Variants in MACF1 observed in about 807,000 individuals in gnomAD.
MACF1 encodes the protein microtubule-actin cross-linking factor 1.
A neutral mutation model predicts 854.8 loss-of-function variants in MACF1; 193 were observed. The observed-to-expected ratio is 0.23, with a 90% CI of 0.20 to 0.25. The LOEUF (loss-of-function observed/expected upper bound fraction) is 0.25, where lower values mean the gene tolerates loss of function less well. Ranked by LOEUF, MACF1 falls within the 10% of genes least tolerant of loss-of-function variation. The probability of loss-of-function intolerance (pLI) is 1.00; values close to 1 mark genes in which losing one functional copy is unlikely to be tolerated. For synonymous variants in MACF1, 3,185 were observed against 3,226.7 expected, an observed-to-expected ratio of 0.99 and a Z score of 0.44; for missense variants, 7,722 against 8,929.1, an observed-to-expected ratio of 0.86 and a Z score of 5.45.
chr1:39,474,704 T>A (rs1451316310), intron 97 of MACF1, among the ~76,000 whole-genome samples: 1 of 152,022 alleles, frequency 6.6e-6, no homozygotes, highest in Non-Finnish European at 1.5e-5. Flanking sequence ...AAAAAATAAC[T>A]AAATAAAAAT....
chr1:39,306,352 T>G (rs1646175639), intron 23 of MACF1, among the ~76,000 whole-genome samples: 1 of 152,152 alleles, frequency 6.6e-6, no homozygotes. Flanking sequence ...GGTCTCGAAC[T>G]CCTGACCTCA....
At chr1:39,403,078 G>GTTGTTTTGTTTTGTT (rs57125297) in intron 58 of MACF1, among the ~76,000 whole-genome samples, 15 of 145,884 alleles carry the variant, frequency 1.0e-4, no homozygotes, top group African/African-American at 3.9e-4. Flanking sequence ...TTTTTGTTTG[G>GTTGTTTTGTTTTGTT]TTGTTTTGTT....
At chr1:39,184,651 A>G (rs912609423) in intron 2 of MACF1, among the ~76,000 whole-genome samples, 2 of 152,148 alleles carry the variant, frequency 1.3e-5, no homozygotes, top group African/African-American at 2.4e-5. Flanking sequence ...GTATCTTTTC[A>G]TATCGCAAAG....
At chr1:39,473,556 A>T (rs986609186) in intron 97 of MACF1, among the ~76,000 whole-genome samples, 2 of 152,188 alleles carry the variant, frequency 1.3e-5, no homozygotes, top group African/African-American at 4.8e-5. Context: ...ACACAGCGAG[A>T]GAGTGAGCCC....
At chr1:39,322,553 A>T in intron 31 of MACF1, 55 bp from the exon 32 acceptor site, 1 of 1,369,610 alleles carries the variant, frequency 7.3e-7, no homozygotes, top group Non-Finnish European at 1.0e-6. Context: ...TTATTACATG[A>T]TGTATGTGAA....
At chr1:39,345,433 G>A (rs1647022488) in intron 40 of MACF1, among the ~76,000 whole-genome samples, 1 of 151,856 alleles carries the variant, frequency 6.6e-6, no homozygotes, top group African/African-American at 2.4e-5. Flanking sequence ...AATGTGGTGA[G>A]ACACCATGTC....
chr1:39,292,797 A>G lies in MACF1; in HGVS notation c.1946A>G (p.Tyr649Cys), dbSNP rs755560898. The change falls in exon 17 of 101, where the codon TAT (tyrosine) becomes TGT (cysteine). Residue 649 changes from tyrosine (Y) to cysteine (C), a missense_variant. Around this residue, in one of 15 missense-constraint regions of MACF1, gnomAD observed 1,137 missense variants for 1,263.0 expected, o/e 0.90. Coordinates refer to ENST00000564288, the MANE Select transcript of MACF1 (RefSeq NM_001394062.1). ...ATGTCCCAGAATTTCCATACCAGCT[A>G]TGCTGAAACTCTTGGAAAGCTGGAG... Reference protein sequence around the residue: ...GKMSQNFHTSYAETLGKLETQ... With the variant: ...GKMSQNFHTSCAETLGKLETQ... 3 of 1,612,882 alleles carry G rather than the reference A, an allele frequency of 1.9e-6. No individual in the cohort carries two copies. The South Asian group carries it at 3.3e-5, about 18-fold the overall frequency.
intron 2 of MACF1, among the ~76,000 whole-genome samples, chr1:39,171,777 C>A (rs1463654799): frequency 6.6e-6 from 1 of 152,144 alleles, no homozygotes; most frequent in Non-Finnish European, 1.5e-5. Flanking sequence ...AGGCACCCGC[C>A]ACCACGCCCG....
intron 44 of MACF1, among the ~76,000 whole-genome samples, chr1:39,356,944 C>T (rs1256285365): frequency 6.6e-6 from 1 of 152,076 alleles, no homozygotes; most frequent in East Asian, 1.9e-4. Context: ...TCTTTGAAAA[C>T]CATAAAGTCC....
chr1:39,305,345 T>C (rs566784133), intron 23 of MACF1, among the ~76,000 whole-genome samples: 119 of 152,204 alleles, frequency 7.8e-4, no homozygotes, highest in Non-Finnish European at 1.5e-3. Flanking sequence ...GCAAAGTTTA[T>C]TATAATAAAA....
chr1:39,370,872 A>G (rs1326158527), intron 51 of MACF1, among the ~76,000 whole-genome samples: 1 of 152,216 alleles, frequency 6.6e-6, no homozygotes, highest in African/African-American at 2.4e-5. Flanking sequence ...AAACAAAAAA[A>G]AACTCCTAAT....
chr1:39,189,669 T>C (rs867846786), intron 2 of MACF1, among the ~76,000 whole-genome samples: 68 of 152,348 alleles, frequency 4.5e-4, no homozygotes, highest in African/African-American at 1.4e-3. Context: ...TCCCAGGTTA[T>C]ATTTCTTATC....
At chr1:39,394,588 A>C (rs1220872504) in intron 58 of MACF1, among the ~76,000 whole-genome samples, 1 of 152,062 alleles carries the variant, frequency 6.6e-6, no homozygotes, top group Non-Finnish European at 1.5e-5. Flanking sequence ...GCACCACTGC[A>C]CTCCAGCCTG....
intron 2 of MACF1, among the ~76,000 whole-genome samples, chr1:39,233,103 C>T (rs188254438): frequency 2.2e-4 from 34 of 152,114 alleles, no homozygotes; most frequent in African/African-American, 7.7e-4. Context: ...GGCACGATCT[C>T]GGCTCACTGC....
intron 2 of MACF1, among the ~76,000 whole-genome samples, chr1:39,163,339 TCAAAAAAA>T (rs760771253): frequency 9.3e-5 from 1 of 10,806 alleles, no homozygotes; most frequent in Admixed American, 1.7e-3. Context: ...CAAGACTGTC[TCAAAAAAA>T]AAAAAAAAAA....
intron 60 of MACF1, 127 bp from the exon 61 acceptor site, chr1:39,423,900 GA>G (rs1245772585): frequency 8.4e-6 from 6 of 713,926 alleles, no homozygotes; most frequent in Admixed American, 3.1e-5. Context: ...CCCCAAGGAT[GA>G]AAAAAACTTC....
intron 2 of MACF1, among the ~76,000 whole-genome samples, chr1:39,197,572 A>G (rs1644336190): frequency 6.6e-6 from 1 of 152,212 alleles, no homozygotes; most frequent in African/African-American, 2.4e-5. Context: ...AAACGAAAAT[A>G]TGGTGAAGGT....
rs770095787 is a variant in MACF1, at chr1:39,485,620, C to T, written c.22494C>T (p.Asp7498=). The T allele has an allele frequency of 7.4e-6, 12 of 1,614,030 alleles. No homozygotes were observed. The highest frequency in any genetic ancestry group is 3.3e-5 in the Admixed American group (2 of 59,990). The change falls in exon 101 of 101, where the codon GAC becomes GAT. Residue 7498 remains aspartate (D), a synonymous_variant. Transcript: ENST00000564288. The part of the protein sequence containing the change: ...GSRASSRRGS[D]ASDFDLLETQ... ...GAGCCAGCAGCCGGCGAGGAAGTGA[C>T]GCTTCTGACTTTGACCTCTTAGAGA...
At chr1:39,364,655 G>T (rs1177373656) in intron 49 of MACF1, among the ~76,000 whole-genome samples, 4 of 151,984 alleles carry the variant, frequency 2.6e-5, no homozygotes, top group African/African-American at 9.7e-5. Context: ...ACCGCGCCTG[G>T]CTAATTTTTT....
Sources: allele counts gnomAD v4.1 joint callset (sites outside exome capture counted in the v4.1 genomes callset), GRCh38; gene constraint gnomAD v4.1.1; regional missense constraint gnomAD v4.1.1; transcripts MANE v1.5; gene names NCBI Gene and HGNC (gene_info 2026-07-23, HGNC 2026-07-21).